The following SLC16A12 variants were observed in gnomAD, a reference collection of about 807,000 sequenced individuals.
SLC16A12 encodes the protein solute carrier family 16 member 12.
Under a neutral mutation model 42.4 loss-of-function variants are expected in SLC16A12, and 17 were observed. The observed-to-expected ratio is 0.40, with a 90% CI of 0.27 to 0.60. The LOEUF is 0.60. Among genes scored for constraint, SLC16A12 ranks in the 20% least tolerant of loss-of-function variants. The pLI, the probability that SLC16A12 is intolerant of heterozygous loss-of-function variation, is 0.42. For missense variants in SLC16A12, 544 were observed against 623.0 expected (o/e 0.87, Z 1.35); for synonymous variants, 224 against 229.4 (o/e 0.98, Z 0.21).
intron 2 of SLC16A12, among the ~76,000 whole-genome samples, chr10:89,491,031 T>C (rs908857108): frequency 2.0e-5 from 3 of 152,218 alleles, no homozygotes; most frequent in South Asian, 4.1e-4. Context: ...TTAACACTTA[T>C]GAAATTCCAA....
At position 89,494,065 on chromosome 10, in the gene SLC16A12, T is replaced by A. The variant is rs145904678; in HGVS notation, c.-46-31441A>T. On this transcript the variant is annotated intron_variant, in intron 2 of 7. Coordinates refer to ENST00000371790, the MANE Select transcript of SLC16A12 (RefSeq NM_213606.4). ...AATTTAATCCCCCACGCTATATTTC[T>A]TCTTGAAGAACTATAATACAGTAAT... Among the ~76,000 whole-genome samples, 15 of 152,370 alleles carry A rather than the reference T, an allele frequency of 9.8e-5. No homozygotes were observed. The East Asian group carries it at 2.7e-3, about 27-fold the overall frequency.
intron 2 of SLC16A12, among the ~76,000 whole-genome samples, chr10:89,554,829 C>G (rs1245613282): frequency 6.6e-6 from 1 of 152,200 alleles, no homozygotes; most frequent in Non-Finnish European, 1.5e-5. Flanking sequence ...TCTGGCCCCT[C>G]TAGCCCTCTA....
intron 2 of SLC16A12, among the ~76,000 whole-genome samples, chr10:89,545,465 A>G (rs1843737214): frequency 6.6e-6 from 1 of 152,194 alleles, no homozygotes. Context: ...ACTCCCATTC[A>G]CAATTGCTAC....
intron 2 of SLC16A12, among the ~76,000 whole-genome samples, chr10:89,478,806 C>T (rs1395164488): frequency 1.3e-5 from 2 of 152,260 alleles, no homozygotes; most frequent in African/African-American, 4.8e-5. Context: ...CCTGGAAACA[C>T]TGTTTTCTTA....
rs550357798 is a variant in SLC16A12, at chr10:89,555,375, T to C, written c.-47+507A>G. On this transcript the variant is annotated intron_variant, in intron 2 of 2. Coordinates refer to the SLC16A12 transcript ENST00000475682. ...TGAGCTTAAATTGCATTGGTTTAAA[T>C]GTTTTGTTGTTTAAACTTTCTATTA... Among the ~76,000 whole-genome samples the C allele has an allele frequency of 2.0e-5, 3 of 151,444 alleles. No individual in the cohort carries two copies. The East Asian group carries it at 5.8e-4, about 29-fold the overall frequency.
At chr10:89,483,221 T>G (rs1178460601) in intron 2 of SLC16A12, among the ~76,000 whole-genome samples, 1 of 152,176 alleles carries the variant, frequency 6.6e-6, no homozygotes, top group African/African-American at 2.4e-5. Flanking sequence ...TATCATGGCC[T>G]ACCCTTATGG....
chr10:89,556,515 C>T (rs1843816841), intron 1 of SLC16A12: 1 of 152,118 alleles, frequency 6.6e-6, no homozygotes, highest in South Asian at 2.1e-4. Context: ...TTCTTTTTTT[C>T]TCTCTTACCT....
At chr10:89,504,415 C>G (rs1032676448) in intron 2 of SLC16A12, among the ~76,000 whole-genome samples, 1 of 152,184 alleles carries the variant, frequency 6.6e-6, no homozygotes, top group African/African-American at 2.4e-5. Flanking sequence ...CACCCTTCAT[C>G]TGGCCCATAA....
rs772541514 is a variant in SLC16A12 at position 89,439,084 on chromosome 10, C to A, written c.548G>T (p.Ser183Ile). The change falls in exon 6 of 8, where the codon AGT (serine) becomes ATT (isoleucine). Residue 183 changes from serine (S) to isoleucine (I), a missense_variant. Transcript: ENST00000371790. ...AGCCAGGATGAAGGTGCCAATGCCA[C>A]TTCCTGACATGGCGATACCATAAGC... ...ALAYGIAMSG[S>I]GIGTFILAPV... 8.1e-6 allele frequency: 13 copies of A among 1,613,294 alleles called. No homozygotes were observed. The highest frequency in any genetic ancestry group is 2.5e-6 in the Non-Finnish European group (3 of 1,179,688).
At chr10:89,474,700 A>G (rs543799370) in intron 2 of SLC16A12, among the ~76,000 whole-genome samples, 122 of 152,358 alleles carry the variant, frequency 8.0e-4, no homozygotes, top group African/African-American at 2.8e-3. Flanking sequence ...CTCTTGGAAC[A>G]CAGAATAAGC....
Position 89,436,260 on chromosome 10 carries a change from C to A in SLC16A12, c.1088G>T (p.Cys363Phe), listed in dbSNP as rs749932458. ...YLFAVGMDGL[C>F]YLCLPMLQSL... is the part of the protein sequence containing the mutation. ...TTGAAGCATTGGGAGGCAGAGATAG[C>A]AGAGCCCATCCATTCCCACGGCAAA... Residue 363 changes from cysteine to phenylalanine, a missense_variant, in exon 7 of 8, where the codon TGC becomes TTC. Physicochemically the swap from Cys to Phe is radical, Grantham distance 205 (BLOSUM62 -2). Coordinates refer to ENST00000371790, the MANE Select transcript of SLC16A12 (RefSeq NM_213606.4). 67 of 1,613,980 alleles carry A rather than the reference C, an allele frequency of 4.2e-5. No individual in the cohort carries two copies. The highest frequency in any genetic ancestry group is 5.6e-5 in the Non-Finnish European group (66 of 1,179,986).
intron 2 of SLC16A12, among the ~76,000 whole-genome samples, chr10:89,496,701 G>A (rs2133815107): frequency 6.6e-6 from 1 of 152,214 alleles, no homozygotes; most frequent in South Asian, 2.1e-4. Context: ...CTCATGATTT[G>A]GAGGTATGGA....
At chr10:89,502,950 C>T (rs78001640) in intron 2 of SLC16A12, among the ~76,000 whole-genome samples, 3,281 of 152,222 alleles carry the variant, frequency 0.022, 74 homozygotes, top group African/African-American at 0.024. Context: ...GAAACATGTG[C>T]GCTATCTACA....
intron 7 of SLC16A12, among the ~76,000 whole-genome samples, chr10:89,435,253 A>G (rs1841759932): frequency 6.6e-6 from 1 of 152,238 alleles, no homozygotes; most frequent in Non-Finnish European, 1.5e-5. Context: ...AAATCTCAAC[A>G]TATCTAAAAA....
At chr10:89,544,285 T>G (rs939701335) in intron 2 of SLC16A12, among the ~76,000 whole-genome samples, 4 of 152,186 alleles carry the variant, frequency 2.6e-5, no homozygotes, top group Non-Finnish European at 5.9e-5. Flanking sequence ...AAGTATATGT[T>G]TAAGTGGAGA....
At chr10:89,500,567 G>GA (rs969310238) in intron 2 of SLC16A12, among the ~76,000 whole-genome samples, 6 of 151,718 alleles carry the variant, frequency 4.0e-5, no homozygotes, top group African/African-American at 9.7e-5. Context: ...ATCAATAGAT[G>GA]AAAAAAAAGC....
chr10:89,475,841 G>T (rs1448081534), intron 2 of SLC16A12, among the ~76,000 whole-genome samples: 5 of 152,160 alleles, frequency 3.3e-5, no homozygotes, highest in Non-Finnish European at 5.9e-5. Flanking sequence ...GGAAGAAAAA[G>T]GTACAACTCG....
chr10:89,548,163 A>C lies in SLC16A12; in HGVS notation c.-47+7719T>G, dbSNP rs534127995. Among the ~76,000 whole-genome samples, 3 of 152,282 alleles carry C rather than the reference A, an allele frequency of 2.0e-5. 1 individual carries two copies. The East Asian group carries it at 5.8e-4, about 29-fold the overall frequency. On this transcript the variant is annotated intron_variant, in intron 2 of 2. Transcript: ENST00000475682. ...TGGAAAAGTGCAAGGTGTATTTGTC[A>C]GTGTATTCTCCATTGATGAGAATGG...
intron 2 of SLC16A12, 133 bp from the exon 3 acceptor site, chr10:89,462,757 G>A: frequency 2.0e-6 from 2 of 1,000,114 alleles, no homozygotes; most frequent in African/African-American, 1.6e-5. Context: ...CTAGACTGGG[G>A]CAGACTATTT....
Sources: allele counts gnomAD v4.1 joint callset (sites outside exome capture counted in the v4.1 genomes callset), GRCh38; gene constraint gnomAD v4.1.1; transcripts MANE v1.5; gene names NCBI Gene and HGNC (gene_info 2026-07-23, HGNC 2026-07-21).